CSMD3: variants seen among roughly 807,000 people sequenced by gnomAD.
CSMD3 encodes CUB and Sushi multiple domains 3, also known as CUB and sushi domain-containing protein 3.
CSMD3 carries 177 observed loss-of-function variants against 435.2 expected under a neutral mutation model. The observed-to-expected ratio is 0.41, with a 90% CI of 0.36 to 0.46. The LOEUF (loss-of-function observed/expected upper bound fraction) is 0.46, where lower values mean the gene tolerates loss of function less well. CSMD3 is among the 20% of genes least tolerant of loss of function. CSMD3 has a pLI of 0.34. For missense variants in CSMD3, 4,265 were observed against 4,504.6 expected (o/e 0.95, Z 1.52); for synonymous variants, 1,656 against 1,520.5 (o/e 1.09, Z -2.07).
At chr8:113,053,235 C>T (rs997467541) in intron 5 of CSMD3, among the ~76,000 whole-genome samples, 24 of 152,156 alleles carry the variant, frequency 1.6e-4, no homozygotes, top group African/African-American at 5.8e-4. Context: ...TGCTTTTGTT[C>T]TTCCTAGCTA....
chr8:112,851,616 T>C (rs1381685334), intron 11 of CSMD3, among the ~76,000 whole-genome samples: 1 of 151,882 alleles, frequency 6.6e-6, no homozygotes, highest in Non-Finnish European at 1.5e-5. Flanking sequence ...ATGCAAAAAT[T>C]AGCCAGGTGT....
intron 35 of CSMD3, among the ~76,000 whole-genome samples, chr8:112,399,004 C>T (rs542273139): frequency 6.6e-6 from 1 of 151,830 alleles, no homozygotes; most frequent in South Asian, 2.1e-4. Context: ...GCAACCTCTG[C>T]CTCCCAGGTT....
chr8:113,349,705 TATC>T (rs1235829259), intron 1 of CSMD3, among the ~76,000 whole-genome samples: 10 of 152,148 alleles, frequency 6.6e-5, no homozygotes, highest in African/African-American at 2.2e-4. Flanking sequence ...ATCTACGTGT[TATC>T]ATGTGCCCTT....
intron 12 of CSMD3, among the ~76,000 whole-genome samples, chr8:112,817,675 T>C (rs1024817348): frequency 5.3e-5 from 8 of 151,646 alleles, no homozygotes; most frequent in African/African-American, 1.2e-4. Context: ...AAAGAGATAA[T>C]AGAGATAGAG....
At chr8:112,350,238 G>A (rs559943756) in intron 40 of CSMD3, among the ~76,000 whole-genome samples, 2 of 151,228 alleles carry the variant, frequency 1.3e-5, no homozygotes, top group East Asian at 2.0e-4. Flanking sequence ...ATACAGGTAC[G>A]GTCATTGTGC....
At chr8:112,631,200 C>T (rs2074505517) in intron 22 of CSMD3, among the ~76,000 whole-genome samples, 1 of 152,102 alleles carries the variant, frequency 6.6e-6, no homozygotes, top group Admixed American at 6.6e-5. Flanking sequence ...GGCCAGCAAA[C>T]TATGGCTCCA....
chr8:113,117,693 A>C (rs567531333), intron 4 of CSMD3, among the ~76,000 whole-genome samples: 3 of 152,304 alleles, frequency 2.0e-5, no homozygotes, highest in East Asian at 3.9e-4. Context: ...GGTGTTGTAC[A>C]CTACAAAGCC....
intron 10 of CSMD3, among the ~76,000 whole-genome samples, chr8:112,896,580 A>C (rs1196091250): frequency 6.6e-6 from 1 of 151,270 alleles, no homozygotes; most frequent in Non-Finnish European, 1.5e-5. Context: ...TTCTTTTCCT[A>C]CTATAGAGTC....
intron 1 of CSMD3, among the ~76,000 whole-genome samples, chr8:113,392,996 T>C (rs1410826307): frequency 2.0e-5 from 3 of 151,762 alleles, no homozygotes; most frequent in Non-Finnish European, 4.4e-5. Context: ...TGTATATATA[T>C]ATATACACAT....
chr8:113,409,079 CTTT>C (rs1218107775), intron 1 of CSMD3, among the ~76,000 whole-genome samples: 5 of 99,064 alleles, frequency 5.0e-5, no homozygotes, highest in Non-Finnish European at 7.7e-5. Flanking sequence ...TCTTCTTCTT[CTTT>C]TTTTTTTTTT....
chr8:112,297,552 A>G (rs1467748862), intron 53 of CSMD3, among the ~76,000 whole-genome samples: 1 of 152,130 alleles, frequency 6.6e-6, no homozygotes, highest in Non-Finnish European at 1.5e-5. Context: ...AACTGACAAC[A>G]AATTAGGAAT....
chr8:112,780,799 T>C (rs1288682936), intron 13 of CSMD3, among the ~76,000 whole-genome samples: 2 of 152,018 alleles, frequency 1.3e-5, no homozygotes, highest in Admixed American at 6.6e-5. Context: ...GAATTGTCTA[T>C]CACAGCAGTG....
intron 2 of CSMD3, among the ~76,000 whole-genome samples, chr8:113,292,992 T>C (rs1211943968): frequency 6.6e-6 from 1 of 151,606 alleles, no homozygotes; most frequent in Non-Finnish European, 1.5e-5. Flanking sequence ...TGTTTTAGAG[T>C]CCCATTTTAA....
At chr8:113,026,459 C>A (rs1163278886) in intron 5 of CSMD3, among the ~76,000 whole-genome samples, 1 of 152,146 alleles carries the variant, frequency 6.6e-6, no homozygotes, top group African/African-American at 2.4e-5. Flanking sequence ...CCAGGCATCT[C>A]TAGGAAACTA....
chr8:112,762,323 A>G (rs928639544), intron 13 of CSMD3, among the ~76,000 whole-genome samples: 1 of 151,956 alleles, frequency 6.6e-6, no homozygotes, highest in Admixed American at 6.6e-5. Flanking sequence ...TCATAAATAA[A>G]GGATATCGGA....
intron 11 of CSMD3, among the ~76,000 whole-genome samples, chr8:112,843,741 T>C (rs1445299067): frequency 1.3e-5 from 2 of 151,938 alleles, no homozygotes; most frequent in Admixed American, 6.6e-5. Context: ...AACTGAATTC[T>C]GCCAACAAGA....
intron 45 of CSMD3, among the ~76,000 whole-genome samples, chr8:112,323,069 G>A (rs1823151485): frequency 6.6e-6 from 1 of 151,842 alleles, no homozygotes; most frequent in Non-Finnish European, 1.5e-5. Flanking sequence ...TTGAAATATA[G>A]GCAAGATCTG....
At chr8:113,297,730 C>T (rs2093733245) in intron 2 of CSMD3, among the ~76,000 whole-genome samples, 1 of 151,868 alleles carries the variant, frequency 6.6e-6, no homozygotes, top group Admixed American at 6.6e-5. Flanking sequence ...AAGAGCTGGT[C>T]ATATTAATTA....
chr8:113,058,457 A>G (rs1293601741), intron 5 of CSMD3, among the ~76,000 whole-genome samples: 1 of 151,928 alleles, frequency 6.6e-6, no homozygotes, highest in Non-Finnish European at 1.5e-5. Context: ...AAGGGAAAAT[A>G]TCCTATGATG....
Sources: allele counts gnomAD v4.1 joint callset (sites outside exome capture counted in the v4.1 genomes callset), GRCh38; gene constraint gnomAD v4.1.1; transcripts MANE v1.5; gene names NCBI Gene and HGNC (gene_info 2026-07-23, HGNC 2026-07-21).